The following CACNB2 variants were observed in gnomAD, a reference collection of about 807,000 sequenced individuals.
CACNB2 encodes the protein calcium voltage-gated channel auxiliary subunit beta 2.
In CACNB2, 42 loss-of-function variants were observed where a neutral mutation model predicts 73.3. The ratio of observed to expected loss-of-function variants is 0.57; its 90% CI spans 0.45 to 0.74. The LOEUF is 0.74. CACNB2 is among the 30% of genes least tolerant of loss of function. The pLI is 0.00. For synonymous variants in CACNB2, 348 were observed against 310.3 expected (o/e 1.12, Z -1.28); for missense variants, 940 against 853.0 (o/e 1.10, Z -1.27).
intron 11 of CACNB2, among the ~76,000 whole-genome samples, chr10:18,534,523 T>C (rs1379434690): frequency 6.6e-6 from 1 of 152,230 alleles, no homozygotes; most frequent in Non-Finnish European, 1.5e-5. Flanking sequence ...GTTTTGATAT[T>C]TGCATGGCTG....
At chr10:18,334,003 C>T (rs1274201496) in intron 2 of CACNB2, among the ~76,000 whole-genome samples, 3 of 152,172 alleles carry the variant, frequency 2.0e-5, no homozygotes, top group Non-Finnish European at 1.5e-5. Flanking sequence ...GTTCAGAATT[C>T]CTGAGGTTCT....
In CACNB2 at chr10:18,514,365, A is replaced by G. The variant is rs771875189; in HGVS notation, c.800A>G (p.Lys267Arg). The change falls in exon 7 of 14, where the codon AAG becomes AGG. Residue 267 changes from lysine (K) to arginine (R), a missense_variant. Lys to Arg is a conservative substitution (Grantham distance 26, BLOSUM62 2). Coordinates refer to ENST00000324631, the MANE Select transcript of CACNB2 (RefSeq NM_201596.3). ...HSKEKRMPFF[K>R]KTEHTPPYDV... is the part of the protein sequence containing the mutation. Reference sequence around the variant, plus strand: ...AAAGAGAAAAGAATGCCCTTCTTTAAGAAGGTAACATTAACTTCCAAGCTC... The same window carrying G: ...AAAGAGAAAAGAATGCCCTTCTTTAGGAAGGTAACATTAACTTCCAAGCTC... 45 of 1,614,036 alleles carry G rather than the reference A, an allele frequency of 2.8e-5. No homozygotes were observed. The highest frequency in any genetic ancestry group is 3.6e-5 in the Non-Finnish European group (43 of 1,180,012).
At chr10:18,157,057 T>C (rs558364986) in intron 2 of CACNB2, among the ~76,000 whole-genome samples, 138 of 138,938 alleles carry the variant, frequency 9.9e-4, no homozygotes, top group African/African-American at 3.7e-3. Context: ...AACGAAACTT[T>C]GTCTCAAAAA....
intron 3 of CACNB2, among the ~76,000 whole-genome samples, chr10:18,458,875 C>A (rs1319659082): frequency 1.3e-5 from 2 of 150,782 alleles, no homozygotes; most frequent in Non-Finnish European, 2.9e-5. Context: ...AAGCAATTCT[C>A]CTGCCTCAGC....
chr10:18,506,521 C>A lies in CACNB2; in HGVS notation c.644C>A (p.Ser215Tyr). Residue 215 changes from serine to tyrosine, a missense_variant, in exon 6 of 14, where the codon TCC becomes TAC. By Grantham distance (144) the Ser-to-Tyr change is moderately radical. Coordinates refer to ENST00000324631, the MANE Select transcript of CACNB2 (RefSeq NM_201596.3). ...SSSLGDIVPS[S>Y]RKSTPPSSAI... ...AGTTTGGGTGACATAGTACCTAGTT[C>A]CAGAAAATCAACACCTCCATCATCT... The A allele has an allele frequency of 6.2e-7, 1 of 1,610,816 alleles. No individual in the cohort carries two copies. The highest frequency in any genetic ancestry group is 8.5e-7 in the Non-Finnish European group (1 of 1,177,140).
intron 2 of CACNB2, among the ~76,000 whole-genome samples, chr10:18,166,612 C>T (rs1162677626): frequency 1.3e-5 from 2 of 152,166 alleles, no homozygotes; most frequent in Non-Finnish European, 2.9e-5. Context: ...TGGATAGTTA[C>T]TTGACCACCA....
intron 3 of CACNB2, among the ~76,000 whole-genome samples, chr10:18,446,558 G>C (rs1269922108): frequency 6.6e-6 from 1 of 152,126 alleles, no homozygotes; most frequent in African/African-American, 2.4e-5. Context: ...GATAAAGGGA[G>C]TGCTTTCTAA....
intron 2 of CACNB2, among the ~76,000 whole-genome samples, chr10:18,151,500 C>T (rs1221426556): frequency 3.3e-5 from 5 of 152,168 alleles, no homozygotes; most frequent in African/African-American, 9.6e-5. Context: ...ACATAGCCTT[C>T]GTCTCATTTA....
At chr10:18,331,273 C>T (rs528449274) in intron 2 of CACNB2, among the ~76,000 whole-genome samples, 4 of 151,992 alleles carry the variant, frequency 2.6e-5, no homozygotes, top group African/African-American at 9.6e-5. Context: ...CATGAGCCAC[C>T]GTGCCTGGCC....
chr10:18,390,596 C>T (rs1281614532), intron 2 of CACNB2, among the ~76,000 whole-genome samples: 2 of 152,120 alleles, frequency 1.3e-5, no homozygotes, highest in Admixed American at 6.6e-5. Context: ...AGTTGCATTC[C>T]TTTATATTAC....
chr10:18,425,987 T>C (rs2045580389), intron 3 of CACNB2, among the ~76,000 whole-genome samples: 2 of 152,216 alleles, frequency 1.3e-5, no homozygotes, highest in African/African-American at 2.4e-5. Context: ...CCATACTACC[T>C]GAATTTCTGT....
chr10:18,163,423 GA>G (rs2032616945), intron 2 of CACNB2, among the ~76,000 whole-genome samples: 1 of 152,170 alleles, frequency 6.6e-6, no homozygotes, highest in Non-Finnish European at 1.5e-5. Flanking sequence ...AGATCTGGTA[GA>G]AAAGGGGGTG....
intron 2 of CACNB2, among the ~76,000 whole-genome samples, chr10:18,163,888 C>T (rs1226556254): frequency 6.6e-6 from 1 of 152,034 alleles, no homozygotes; most frequent in Non-Finnish European, 1.5e-5. Flanking sequence ...TCTACTGTGG[C>T]ACGTGGAGAA....
At chr10:18,237,198 T>C (rs865849190) in intron 2 of CACNB2, among the ~76,000 whole-genome samples, 1 of 152,174 alleles carries the variant, frequency 6.6e-6, no homozygotes, top group African/African-American at 2.4e-5. Context: ...TTGAATTGTG[T>C]TCCCCCAGAA....
intron 3 of CACNB2, among the ~76,000 whole-genome samples, chr10:18,466,490 G>C (rs942334013): frequency 4.6e-5 from 7 of 152,086 alleles, no homozygotes; most frequent in African/African-American, 1.4e-4. Context: ...GCCTCAGCCT[G>C]TCAATATTTT....
At chr10:18,429,343 C>A (rs2045762058) in intron 3 of CACNB2, among the ~76,000 whole-genome samples, 1 of 152,148 alleles carries the variant, frequency 6.6e-6, no homozygotes, top group Admixed American at 6.6e-5. Context: ...GGTGTCATCT[C>A]ACTGTGATCC....
chr10:18,263,467 T>C (rs776321908), intron 2 of CACNB2, among the ~76,000 whole-genome samples: 46 of 152,228 alleles, frequency 3.0e-4, no homozygotes, highest in Admixed American at 5.9e-4. Flanking sequence ...TTTATATACA[T>C]ACATGTATGC....
chr10:18,391,757 T>A (rs2043478789), intron 2 of CACNB2, among the ~76,000 whole-genome samples: 1 of 151,754 alleles, frequency 6.6e-6, no homozygotes, highest in Admixed American at 6.6e-5. Flanking sequence ...TGAAACTCCA[T>A]CTCTACAGAA....
At chr10:18,220,035 G>A (rs1175971177) in intron 2 of CACNB2, among the ~76,000 whole-genome samples, 2 of 145,708 alleles carry the variant, frequency 1.4e-5, no homozygotes, top group Non-Finnish European at 3.0e-5. Context: ...CCAAAATGCT[G>A]GGATTACAGG....
Sources: gnomAD v4.1 joint callset for allele counts (sites outside exome capture counted in the v4.1 genomes callset) on GRCh38, gnomAD v4.1.1 for gene constraint, MANE v1.5 for transcripts, NCBI Gene and HGNC (gene_info 2026-07-23, HGNC 2026-07-21) for gene names.